The following NUP62CL variants were observed in gnomAD, a reference collection of about 807,000 sequenced individuals.
NUP62CL encodes nucleoporin 62 C-terminal like.
A neutral mutation model predicts 15.3 loss-of-function variants in NUP62CL; 13 were observed. The ratio of observed to expected loss-of-function variants is 0.85; its 90% CI spans 0.55 to 1.35. The LOEUF is 1.35. Ranked by LOEUF, NUP62CL falls within the 40% of genes most tolerant of loss-of-function variation. The pLI, the probability that NUP62CL is intolerant of heterozygous loss-of-function variation, is 0.00. For missense variants in NUP62CL, 123 were observed against 130.6 expected (o/e 0.94, Z 0.28); for synonymous variants, 54 against 49.2 (o/e 1.10, Z -0.41).
chrX:107,139,654 T>C (rs1397354687), intron 8 of NUP62CL, among the ~76,000 whole-genome samples: 1 of 112,160 alleles, frequency 8.9e-6, no homozygotes, highest in Non-Finnish European at 1.9e-5. Context: ...GCCTTCACCG[T>C]ATGTTTCCTC....
Position 107,187,586 on chromosome X carries a change from C to T in NUP62CL, c.-48+5443G>A, listed in dbSNP as rs764954216. Among the ~76,000 whole-genome samples the T allele has an allele frequency of 4.5e-5, 5 of 111,473 alleles. No individual in the cohort carries two copies. In the South Asian group the frequency reaches 1.5e-3, roughly 34 times the overall value. ...CTGACTGTTGTGTTTTTAGTAGAGACGATGTTTTGCCACGTTGGCCAGGCT... is the reference window on the plus strand; with the variant it reads ...CTGACTGTTGTGTTTTTAGTAGAGATGATGTTTTGCCACGTTGGCCAGGCT... On this transcript the variant is annotated intron_variant, in intron 2 of 8. Transcript: ENST00000372466.
intron 8 of NUP62CL, among the ~76,000 whole-genome samples, chrX:107,143,023 T>C (rs1925809016): frequency 9.0e-6 from 1 of 111,456 alleles, no homozygotes; most frequent in South Asian, 3.8e-4. Flanking sequence ...AACTGGTCAT[T>C]ACCTACACAT....
intron 7 of NUP62CL, among the ~76,000 whole-genome samples, chrX:107,151,379 A>G (rs1926006323): frequency 9.0e-6 from 1 of 111,459 alleles, no homozygotes; most frequent in Non-Finnish European, 1.9e-5. Context: ...ACAAATTTTC[A>G]AAATAAAACC....
At position 107,167,685 on chromosome X, in the gene NUP62CL, C is replaced by A. The variant is rs1162256555; in HGVS notation, c.158G>T (p.Gly53Val). The A allele has an allele frequency of 4.1e-6, 5 of 1,205,958 alleles. No homozygotes were observed. The highest frequency in any genetic ancestry group is 5.6e-6 in the Non-Finnish European group (5 of 892,898). The change falls in exon 4 of 9, where the codon GGG (glycine) becomes GTG (valine). Residue 53 changes from glycine (G) to valine (V), a missense_variant. By Grantham distance (109) the Gly-to-Val change is moderately radical. Transcript: ENST00000372466. ...AGTATAAGGTACAAGGTTTTCAAAC[C>A]CTCTTGATAACAGTTGGTTTTGGTT... Reference protein sequence around the residue: ...TVNQNQLLSRGFENLVPYTST... With the variant: ...TVNQNQLLSRVFENLVPYTST...
In NUP62CL at chrX:107,125,704, C is replaced by T. The variant is rs187546884; in HGVS notation, c.*43-1372G>A. Among the ~76,000 whole-genome samples, 193 of 111,657 alleles carry T rather than the reference C, an allele frequency of 1.7e-3. No individual in the cohort carries two copies. In the East Asian group the frequency reaches 0.025, roughly 14 times the overall value. On this transcript the variant is annotated intron_variant, in intron 8 of 8. Coordinates refer to ENST00000372466, the MANE Select transcript of NUP62CL (RefSeq NM_017681.3). ...AACAGTTTTTAATATGATGGAAGCA[C>T]AGATGAGCACTACAACAAACCATTA...
intron 4 of NUP62CL, among the ~76,000 whole-genome samples, chrX:107,155,770 G>C (rs1208580234): frequency 8.9e-6 from 1 of 112,747 alleles, no homozygotes; most frequent in Non-Finnish European, 1.9e-5. Context: ...CTATCATAGG[G>C]GAGGAGCCAA....
chrX:107,185,196 CAAAAA>C (rs3072235), intron 2 of NUP62CL, among the ~76,000 whole-genome samples: 4 of 20,983 alleles, frequency 1.9e-4, no homozygotes. Context: ...GACTCCGTCT[CAAAAA>C]AAAAAAAAAA....
At chrX:107,132,139 A>G in intron 8 of NUP62CL, 7 of 1,173,703 alleles carry the variant, frequency 6.0e-6, no homozygotes, top group Non-Finnish European at 8.1e-6. Context: ...AAAGATTCAA[A>G]TGAACGAGAG....
chrX:107,152,259 C>A lies in NUP62CL; in HGVS notation c.530+913G>T, dbSNP rs765747850. Among the ~76,000 whole-genome samples the A allele has an allele frequency of 3.0e-5, 3 of 100,996 alleles. No individual in the cohort carries two copies. The East Asian group carries it at 9.3e-4, about 31-fold the overall frequency. 87.7% of individuals were successfully genotyped at this position (100,996 alleles called of 115,157 possible). A position where few individuals can be genotyped will look rare whatever the true frequency, so the allele number is the denominator to read the frequency against. On this transcript the variant is annotated intron_variant, in intron 7 of 8. Transcript: ENST00000372466. Reference sequence around the variant, plus strand: ...ATGTCATGAAGATTTCTTCAAACTACAGTTAGGATCTTATGGCCAAAAATG... The same window carrying A: ...ATGTCATGAAGATTTCTTCAAACTAAAGTTAGGATCTTATGGCCAAAAATG...
Position 107,189,828 on chromosome X carries a change from GGGAAGGAAGGAA to G in NUP62CL, c.-48+3189_-48+3200del, listed in dbSNP as rs147140354. On this transcript the variant is annotated intron_variant, in intron 2 of 8. Transcript: ENST00000372466. ...AGAGAGAGAAAGAAAGAAAGAAGGA[GGGAAGGAAGGAA>G]GGAAGGAAGGAAGGAAGGAAGGAAG... 4.7e-3 allele frequency among the ~76,000 whole-genome samples: 250 copies of G among 53,745 alleles called. 2 individuals are homozygous for G. The highest frequency in any genetic ancestry group is 9.7e-3 in the Middle Eastern group (1 of 103). The allele number at this position is 53,745 out of a possible 115,157, so 46.7% of individuals were successfully genotyped here. A position where few individuals can be genotyped will look rare whatever the true frequency, so the allele number is the denominator to read the frequency against.
intron 2 of NUP62CL, among the ~76,000 whole-genome samples, chrX:107,186,516 A>G (rs778277977): frequency 1.6e-4 from 18 of 111,760 alleles, no homozygotes; most frequent in Non-Finnish European, 3.4e-4. Context: ...TTCATCCTAC[A>G]TATCTACTAC....
chrX:107,161,777 T>TA (rs1374608408), intron 4 of NUP62CL, among the ~76,000 whole-genome samples: 8 of 94,807 alleles, frequency 8.4e-5, no homozygotes, highest in South Asian at 5.0e-4. Context: ...AAGTATAATT[T>TA]AAAAAAAATA....
In NUP62CL at chrX:107,154,199, A is replaced by C; in HGVS notation, c.242T>G (p.Ile81Arg). The change falls in exon 5 of 9, where the codon ATA (isoleucine) becomes AGA (arginine). Residue 81 changes from isoleucine (I) to arginine (R), a missense_variant. Coordinates refer to ENST00000372466, the MANE Select transcript of NUP62CL (RefSeq NM_017681.3). ...TTCCAGCTCAAGGTTCCACTCATTT[A>C]TAAGACCCTCCAGATGACCATATGT... The part of the protein sequence containing the change: ...VMTYGHLEGL[I>R]NEWNLELEDQ... 2 of 1,207,158 alleles carry C rather than the reference A, an allele frequency of 1.7e-6. No homozygotes were observed. The highest frequency in any genetic ancestry group is 2.2e-6 in the Non-Finnish European group (2 of 891,781).
At chrX:107,188,458 T>C (rs1171068512) in intron 2 of NUP62CL, among the ~76,000 whole-genome samples, 1 of 80,345 alleles carries the variant, frequency 1.2e-5, no homozygotes, top group Non-Finnish European at 2.4e-5. Context: ...CCAAAAAAAA[T>C]TGGAATACAG....
intron 8 of NUP62CL, chrX:107,131,686 G>A: frequency 1.5e-6 from 1 of 681,727 alleles, no homozygotes; most frequent in Admixed American, 2.2e-5. Flanking sequence ...AGGAGGAAGA[G>A]GAGGAGCAGT....
At chrX:107,165,811 G>A (rs189650367) in intron 4 of NUP62CL, among the ~76,000 whole-genome samples, 1 of 111,759 alleles carries the variant, frequency 8.9e-6, no homozygotes, top group East Asian at 2.8e-4. Flanking sequence ...GGGGAAGATA[G>A]TCTTTCAATA....
intron 1 of NUP62CL, among the ~76,000 whole-genome samples, chrX:107,195,154 C>T (rs919882482): frequency 1.8e-5 from 2 of 111,137 alleles, no homozygotes; most frequent in African/African-American, 6.5e-5. Flanking sequence ...TTCTATGCCA[C>T]CAGGAGCACT....
At chrX:107,194,507 A>G (rs1927314520) in intron 1 of NUP62CL, among the ~76,000 whole-genome samples, 1 of 111,708 alleles carries the variant, frequency 9.0e-6, no homozygotes, top group African/African-American at 3.2e-5. Flanking sequence ...TAATAAAATG[A>G]GATGACTAAA....
intron 4 of NUP62CL, among the ~76,000 whole-genome samples, chrX:107,160,548 T>C (rs1356014638): frequency 2.7e-5 from 3 of 111,163 alleles, no homozygotes; most frequent in Admixed American, 9.5e-5. Context: ...TCCTATTTAA[T>C]AAATGGTGCT....
Sources: allele counts gnomAD v4.1 joint callset (sites outside exome capture counted in the v4.1 genomes callset), GRCh38; gene constraint gnomAD v4.1.1; transcripts MANE v1.5; gene names NCBI Gene and HGNC (gene_info 2026-07-23, HGNC 2026-07-21).